The following MRPL44 variants were observed in gnomAD, a reference collection of about 807,000 sequenced individuals.
MRPL44 encodes the protein mitochondrial ribosomal protein L44.
Under a neutral mutation model 25.9 loss-of-function variants are expected in MRPL44, and 21 were observed. The ratio of observed to expected loss-of-function variants is 0.81; its 90% CI spans 0.58 to 1.17. The LOEUF is 1.17. Ranked by LOEUF, MRPL44 falls within the 50% of genes most tolerant of loss-of-function variation. MRPL44 has a pLI of 0.00. For synonymous variants in MRPL44, 169 were observed against 151.0 expected, an observed-to-expected ratio of 1.12 and a Z score of -0.87; for missense variants, 410 against 398.9, an observed-to-expected ratio of 1.03 and a Z score of -0.24.
rs1423003703 is a variant in MRPL44 at position 223,966,997 on chromosome 2, A to G, written c.962A>G (p.Glu321Gly). 3.1e-6 allele frequency: 5 copies of G among 1,613,712 alleles called. No individual in the cohort carries two copies. Among genetic ancestry groups the G allele is most frequent in the Non-Finnish European group, 4.2e-6 (5 of 1,179,762 alleles). Residue 321 changes from glutamate (E) to glycine (G), a missense_variant, in exon 4 of 4, where the codon GAA (glutamate) becomes GGA (glycine). Physicochemically the swap from Glu to Gly is moderately conservative, Grantham distance 98. Coordinates refer to ENST00000258383, the MANE Select transcript of MRPL44 (RefSeq NM_022915.5). ...RRPWNYSKPKETLRAEKSITA... is the reference protein window; with the variant it reads ...RRPWNYSKPKGTLRAEKSITA... ...CCGTGGAACTATTCCAAGCCCAAAG[A>G]AACCTTGAGAGCAGAAAAGAGCATC...
At chr2:223,957,381 C>G (rs1053651416), upstream of MRPL44, 44 of 1,526,826 alleles carry the variant, frequency 2.9e-5, no homozygotes, top group Non-Finnish European at 3.8e-5. Flanking sequence ...GCCTTCTCTT[C>G]GCGTTCCGCG....
chr2:223,953,807 C>T (rs1689525653), upstream of MRPL44, among the ~76,000 whole-genome samples: 1 of 152,222 alleles, frequency 6.6e-6, no homozygotes, highest in Admixed American at 6.5e-5. Flanking sequence ...AAATCTCAAA[C>T]CACTTTTACA....
chr2:223,956,807 G>T (rs1689570128), upstream of MRPL44, among the ~76,000 whole-genome samples: 1 of 152,096 alleles, frequency 6.6e-6, no homozygotes, highest in African/African-American at 2.4e-5. Flanking sequence ...GAAAGCAATA[G>T]AATTACATTG....
intron 2 of MRPL44, among the ~76,000 whole-genome samples, chr2:223,962,393 T>C (rs1395454181): frequency 6.6e-6 from 1 of 152,142 alleles, no homozygotes; most frequent in Non-Finnish European, 1.5e-5. Context: ...ATGAATTGAC[T>C]TCATTTCATG....
chr2:223,966,978 A>T lies in MRPL44; in HGVS notation c.943A>T (p.Asn315Tyr), dbSNP rs754404543. The T allele has an allele frequency of 2.4e-5, 39 of 1,613,982 alleles. No homozygotes were observed. The highest frequency in any genetic ancestry group is 3.1e-5 in the Non-Finnish European group (36 of 1,179,990). ...ATTCACAGAAAATAGACGGCCGTGGAACTATTCCAAGCCCAAAGAAACCTT... is the reference window on the plus strand; with the variant it reads ...ATTCACAGAAAATAGACGGCCGTGGTACTATTCCAAGCCCAAAGAAACCTT... ...YGFTENRRPWNYSKPKETLRA... is the reference protein window; with the variant it reads ...YGFTENRRPWYYSKPKETLRA... The change falls in exon 4 of 4, where the codon AAC becomes TAC. Residue 315 changes from asparagine (N) to tyrosine (Y), a missense_variant. Coordinates refer to ENST00000258383, the MANE Select transcript of MRPL44 (RefSeq NM_022915.5).
Position 223,967,169 on chromosome 2 carries a change from A to C in MRPL44, c.*135A>C. On this transcript the variant is annotated 3_prime_UTR_variant, in exon 4 of 4. Coordinates refer to ENST00000258383, the MANE Select transcript of MRPL44 (RefSeq NM_022915.5). ...GTTTTTTACTGTGTTCCCAAAATTAAATAAGTGTTAACCAAGTCACAGTGT... is the reference window on the plus strand; with the variant it reads ...GTTTTTTACTGTGTTCCCAAAATTACATAAGTGTTAACCAAGTCACAGTGT... The C allele has an allele frequency of 1.1e-6, 1 of 875,176 alleles. No individual in the cohort carries two copies. Among genetic ancestry groups the C allele is most frequent in the Non-Finnish European group, 1.7e-6 (1 of 597,494 alleles). 54.2% of individuals were successfully genotyped at this position (875,176 alleles called of 1,614,324 possible). A position where few individuals can be genotyped will look rare whatever the true frequency, so the allele number is the denominator to read the frequency against.
intron 2 of MRPL44, among the ~76,000 whole-genome samples, chr2:223,962,386 A>T (rs1228902989): frequency 1.3e-5 from 2 of 152,140 alleles, no homozygotes; most frequent in Non-Finnish European, 2.9e-5. Context: ...TGTTGTAATG[A>T]ATTGACTTCA....
rs1689628983 is a variant in MRPL44 at position 223,959,839 on chromosome 2, G to T, written c.485G>T (p.Gly162Val). Residue 162 changes from glycine (G) to valine (V), a missense_variant, in exon 2 of 4, where the codon GGT (glycine) becomes GTT (valine). By Grantham distance (109) the Gly-to-Val change is moderately radical. Transcript: ENST00000258383. The stretch of plus-strand genomic sequence containing the variant: ...AAAAATCTTGTTGACTTTCTCACTG[G>T]TGAGGAAGTCGTGTGTCACGTGGCT... Reference protein sequence around the residue: ...GIKNLVDFLTGEEVVCHVARN... With the variant: ...GIKNLVDFLTVEEVVCHVARN... The T allele has an allele frequency of 6.2e-7, 1 of 1,614,186 alleles. No homozygotes were observed. Among genetic ancestry groups the T allele is most frequent in the Non-Finnish European group, 8.5e-7 (1 of 1,180,016 alleles).
At chr2:223,952,035 A>G in the MRPL44 span, among the ~76,000 whole-genome samples, 1 of 152,188 alleles carries the variant, frequency 6.6e-6, no homozygotes, top group Non-Finnish European at 1.5e-5. Flanking sequence ...CACATTTCAG[A>G]TACTCTAAGT....
chr2:223,966,510 A>AATTCCTGAT (rs1311443456), intron 3 of MRPL44, among the ~76,000 whole-genome samples: 2 of 152,210 alleles, frequency 1.3e-5, no homozygotes, highest in African/African-American at 2.4e-5. Flanking sequence ...AAATAGTCAT[A>AATTCCTGAT]ATTCCTGATA....
At chr2:223,963,662 C>A in intron 2 of MRPL44, 94 bp from the exon 3 acceptor site, 1 of 741,354 alleles carries the variant, frequency 1.3e-6, no homozygotes, top group Non-Finnish European at 1.9e-6. Flanking sequence ...TACTCTGTGG[C>A]TTCTCTAATT....
chr2:223,957,361 C>G, upstream of MRPL44: 1 of 1,409,996 alleles, frequency 7.1e-7, no homozygotes, highest in Non-Finnish European at 9.9e-7. Flanking sequence ...CGGGGGCTGT[C>G]TCCGCCCCAG....
rs1240979853 is a variant in MRPL44, at chr2:223,959,534, T to G, written c.180T>G (p.Arg60=). 1 of 1,602,180 alleles carries G rather than the reference T, an allele frequency of 6.2e-7. No homozygotes were observed. The highest frequency in any genetic ancestry group is 1.7e-5 in the Admixed American group (1 of 57,888). ...LLRCPPPPVR[R]SEKPNWDYHA... The stretch of plus-strand genomic sequence containing the variant: ...TCTCTTACTGTCTTTACATTTTCAG[T>G]TCAGAGAAGCCGAACTGGGATTACC... Residue 60 remains arginine (R), a splice_region_variant and synonymous_variant, in exon 2 of 4, where the codon CGT becomes CGG. Coordinates refer to ENST00000258383, the MANE Select transcript of MRPL44 (RefSeq NM_022915.5).
intron 3 of MRPL44, among the ~76,000 whole-genome samples, chr2:223,964,169 T>G (rs1476252347): frequency 6.6e-6 from 1 of 152,260 alleles, no homozygotes; most frequent in South Asian, 2.1e-4. Flanking sequence ...TGAGTTTTGC[T>G]AATAGCTTTT....
rs1187956494 is a variant in MRPL44, at chr2:223,964,070, C to T, written c.827+136C>T. On this transcript the variant is annotated intron_variant, in intron 3 of 3. Transcript: ENST00000258383. ...CTCTTCAGATTCCTTAACGTAACTT[C>T]TAATTGCATGAAAAGATTTTTTAAA... 20 of 624,920 alleles carry T rather than the reference C, an allele frequency of 3.2e-5. No homozygotes were observed. The East Asian group carries it at 6.6e-4, about 21-fold the overall frequency. 38.7% of individuals were successfully genotyped at this position (624,920 alleles called of 1,614,324 possible).
At chr2:223,951,776 G>T in the MRPL44 span, among the ~76,000 whole-genome samples, 1 of 152,006 alleles carries the variant, frequency 6.6e-6, no homozygotes, top group Non-Finnish European at 1.5e-5. Context: ...ACTGTGTCTG[G>T]CCCCTTACCT....
intron 3 of MRPL44, among the ~76,000 whole-genome samples, chr2:223,964,732 A>G (rs953138935): frequency 2.6e-5 from 4 of 152,176 alleles, no homozygotes; most frequent in African/African-American, 9.6e-5. Flanking sequence ...ACAAAATGCC[A>G]AGCATCTTAA....
In MRPL44 at chr2:223,967,196, T is replaced by C. The variant is rs1402404025; in HGVS notation, c.*162T>C. On this transcript the variant is annotated 3_prime_UTR_variant, in exon 4 of 4. Transcript: ENST00000258383. ...TAAGTGTTAACCAAGTCACAGTGTT[T>C]TTGGTTTTGTTTTTCTGAAATCTTG... 4 of 726,196 alleles carry C rather than the reference T, an allele frequency of 5.5e-6. No homozygotes were observed. Among genetic ancestry groups the C allele is most frequent in the Non-Finnish European group, 8.4e-6 (4 of 475,714 alleles). The allele number at this position is 726,196 out of a possible 1,614,324, so 45.0% of individuals were successfully genotyped here.
At chr2:223,963,072 T>C (rs991886094) in intron 2 of MRPL44, among the ~76,000 whole-genome samples, 10 of 152,144 alleles carry the variant, frequency 6.6e-5, no homozygotes, top group African/African-American at 2.2e-4. Context: ...TTTACATGAG[T>C]TTCTATGAGA....
Sources: gnomAD v4.1 joint callset for allele counts (sites outside exome capture counted in the v4.1 genomes callset) on GRCh38, gnomAD v4.1.1 for gene constraint, MANE v1.5 for transcripts, NCBI Gene and HGNC (gene_info 2026-07-23, HGNC 2026-07-21) for gene names.